The following DLG2 variants were observed in gnomAD, a reference collection of about 807,000 sequenced individuals.
DLG2 encodes disks large homolog 2.
DLG2 carries 45 observed loss-of-function variants against 132.5 expected under a neutral mutation model. That is an observed-to-expected ratio of 0.34 (90% CI 0.27 to 0.44). The LOEUF (loss-of-function observed/expected upper bound fraction) is 0.44, where lower values mean the gene tolerates loss of function less well. DLG2 is among the 20% of genes least tolerant of loss of function. DLG2 has a pLI of 1.00. For synonymous variants in DLG2, 424 were observed against 419.6 expected (o/e 1.01, Z -0.13); for missense variants, 1,045 against 1,196.9 (o/e 0.87, Z 1.87).
intron 6 of DLG2, among the ~76,000 whole-genome samples, chr11:84,930,633 A>G (rs997821772): frequency 1.3e-5 from 2 of 152,112 alleles, no homozygotes; most frequent in African/African-American, 4.8e-5. Context: ...ACAAAAGCCA[A>G]CACACAAGTC....
chr11:85,024,676 T>G lies in DLG2; in HGVS notation c.357+86985A>C, dbSNP rs777785578. On this transcript the variant is annotated intron_variant, in intron 6 of 27. Transcript: ENST00000376104. Reference sequence around the variant, plus strand: ...TCATCTAAGCCATTTGTAAGCACTCTGTTGTCTCTGTTCCTACCATAACCC... The same window carrying G: ...TCATCTAAGCCATTTGTAAGCACTCGGTTGTCTCTGTTCCTACCATAACCC... 3.6e-4 allele frequency among the ~76,000 whole-genome samples: 55 copies of G among 152,338 alleles called. 1 individual carries two copies. The highest frequency in any genetic ancestry group is 1.6e-3 in the Admixed American group (25 of 15,306).
chr11:83,576,853 A>G (rs2096881371), intron 19 of DLG2, among the ~76,000 whole-genome samples: 1 of 152,196 alleles, frequency 6.6e-6, no homozygotes. Context: ...GTACCCTGGG[A>G]ATGGTAACTA....
At chr11:83,848,930 G>C (rs1392657880) in intron 16 of DLG2, among the ~76,000 whole-genome samples, 2 of 152,168 alleles carry the variant, frequency 1.3e-5, no homozygotes, top group Admixed American at 6.5e-5. Flanking sequence ...AGTGTTCCCA[G>C]AGCATTTTAT....
At chr11:85,417,108 A>T (rs1460092705) in intron 3 of DLG2, among the ~76,000 whole-genome samples, 1 of 152,116 alleles carries the variant, frequency 6.6e-6, no homozygotes, top group African/African-American at 2.4e-5. Context: ...TTATTTTGAG[A>T]TATGTTCCAT....
At chr11:85,115,271 C>A (rs1400379403) in intron 5 of DLG2, among the ~76,000 whole-genome samples, 1 of 151,882 alleles carries the variant, frequency 6.6e-6, no homozygotes, top group Non-Finnish European at 1.5e-5. Context: ...AAGCCCCCAA[C>A]CTTTTAGGAG....
In DLG2 at chr11:83,959,677, T is replaced by A. The variant is rs182324796; in HGVS notation, c.1340+3208A>T. 3.0e-3 allele frequency among the ~76,000 whole-genome samples: 452 copies of A among 152,208 alleles called. 2 individuals are homozygous for A. Among genetic ancestry groups the A allele is most frequent in the Middle Eastern group, 6.8e-3 (2 of 294 alleles). ...TCAAGACTCACAGAGATGAACTGAC[T>A]TGTTCAGAGTTATCTAGGTAGTAAG... On this transcript the variant is annotated intron_variant, in intron 14 of 27. Transcript: ENST00000376104.
chr11:85,441,563 A>C (rs2091776781), intron 3 of DLG2, among the ~76,000 whole-genome samples: 1 of 152,194 alleles, frequency 6.6e-6, no homozygotes, highest in Non-Finnish European at 1.5e-5. Flanking sequence ...CAGTCAACAA[A>C]TATTTATTAT....
chr11:84,962,701 C>T (rs1310337046), intron 6 of DLG2, among the ~76,000 whole-genome samples: 2 of 152,116 alleles, frequency 1.3e-5, no homozygotes, highest in Non-Finnish European at 1.5e-5. Context: ...ATTTCCTTTA[C>T]AAAAATATCT....
At chr11:83,551,849 A>C (rs1021874515) in intron 19 of DLG2, among the ~76,000 whole-genome samples, 1 of 152,214 alleles carries the variant, frequency 6.6e-6, no homozygotes, top group Non-Finnish European at 1.5e-5. Context: ...TATTATTTTC[A>C]TAGTCTCTAC....
intron 7 of DLG2, among the ~76,000 whole-genome samples, chr11:84,297,699 T>C (rs1317254306): frequency 6.6e-6 from 1 of 152,114 alleles, no homozygotes; most frequent in Non-Finnish European, 1.5e-5. Flanking sequence ...CAATGGCTTT[T>C]TGTTGAACTT....
chr11:84,405,219 C>A (rs1369887401), intron 7 of DLG2, among the ~76,000 whole-genome samples: 1 of 152,162 alleles, frequency 6.6e-6, no homozygotes, highest in South Asian at 2.1e-4. Context: ...TAGCAATTTT[C>A]AATTTAGTAA....
chr11:84,631,926 C>A (rs992746486), intron 6 of DLG2, among the ~76,000 whole-genome samples: 3 of 152,114 alleles, frequency 2.0e-5, no homozygotes, highest in Admixed American at 1.3e-4. Context: ...TTTATAACAA[C>A]TGATGCTTCC....
At chr11:85,065,619 T>C (rs1046227425) in intron 6 of DLG2, among the ~76,000 whole-genome samples, 11 of 151,208 alleles carry the variant, frequency 7.3e-5, no homozygotes, top group African/African-American at 2.4e-4. Context: ...AGGCATTTTA[T>C]TGGACCACAG....
chr11:84,445,530 T>G (rs1307628477), intron 7 of DLG2, among the ~76,000 whole-genome samples: 3 of 152,176 alleles, frequency 2.0e-5, no homozygotes, highest in Non-Finnish European at 4.4e-5. Flanking sequence ...TTTTTTTGCC[T>G]TTCTTGAACT....
intron 6 of DLG2, among the ~76,000 whole-genome samples, chr11:85,107,783 C>A (rs1465740145): frequency 1.3e-5 from 2 of 151,790 alleles, no homozygotes; most frequent in Non-Finnish European, 2.9e-5. Flanking sequence ...AAACAAACTG[C>A]CACACTTTTC....
intron 6 of DLG2, among the ~76,000 whole-genome samples, chr11:85,033,540 T>C (rs2061204346): frequency 6.6e-6 from 1 of 152,192 alleles, no homozygotes; most frequent in South Asian, 2.1e-4. Flanking sequence ...CTGGCAATAG[T>C]ATTGCTTGTA....
intron 6 of DLG2, chr11:85,020,908 C>A: frequency 1.3e-6 from 1 of 769,564 alleles, no homozygotes; most frequent in South Asian, 1.3e-5. Context: ...TCCCCCTCCT[C>A]AGCAGGGTCA....
intron 11 of DLG2, among the ~76,000 whole-genome samples, chr11:84,040,830 A>G (rs1250393192): frequency 6.6e-6 from 1 of 151,732 alleles, no homozygotes; most frequent in Non-Finnish European, 1.5e-5. Flanking sequence ...CATTTTCATG[A>G]TATTGATTCT....
intron 10 of DLG2, among the ~76,000 whole-genome samples, chr11:84,068,237 G>T (rs1433495223): frequency 6.6e-6 from 1 of 152,206 alleles, no homozygotes; most frequent in African/African-American, 2.4e-5. Context: ...TCAGTCCATG[G>T]CTATTCTTCC....
Sources: allele counts gnomAD v4.1 joint callset (sites outside exome capture counted in the v4.1 genomes callset), GRCh38; gene constraint gnomAD v4.1.1; transcripts MANE v1.5; gene names NCBI Gene and HGNC (gene_info 2026-07-23, HGNC 2026-07-21).